NDUFB2: variants seen among roughly 807,000 people sequenced by gnomAD.
NDUFB2 encodes NADH dehydrogenase [ubiquinone] 1 beta subcomplex subunit 2, mitochondrial.
A neutral mutation model predicts 13.4 loss-of-function variants in NDUFB2; 13 were observed. The ratio of observed to expected loss-of-function variants is 0.97; its 90% CI spans 0.63 to 1.54. The LOEUF (loss-of-function observed/expected upper bound fraction) is 1.54, where lower values mean the gene tolerates loss of function less well. NDUFB2 is among the 40% of genes most tolerant of loss of function. The probability of loss-of-function intolerance (pLI) is 0.00; values close to 1 mark genes in which losing one functional copy is unlikely to be tolerated. For synonymous variants in NDUFB2, 47 were observed against 50.6 expected (o/e 0.93, Z 0.30); for missense variants, 150 against 139.7 (o/e 1.07, Z -0.37).
chr7:140,697,377 A>C (rs1406338615), intron 1 of NDUFB2: 1 of 702,872 alleles, frequency 1.4e-6, no homozygotes, highest in South Asian at 1.5e-5. Context: ...TGTCGCCCAG[A>C]GAGAGCGCCG....
rs1293351993 is a variant in NDUFB2 at position 140,696,823 on chromosome 7, G to T, written c.79G>T (p.Gly27Ter). 8 of 1,608,134 alleles carry T rather than the reference G, an allele frequency of 5.0e-6. No individual in the cohort carries two copies. Among genetic ancestry groups the T allele is most frequent in the Admixed American group, 1.7e-5 (1 of 59,368 alleles). Reference sequence around the variant, plus strand: ...CAGAAGCGGCTGCGCACGGACTGCTGGAGATGGTGGAGTCCGTCAGTGAGT... The same window carrying T: ...CAGAAGCGGCTGCGCACGGACTGCTTGAGATGGTGGAGTCCGTCAGTGAGT... ...LFRSGCARTA[G>*]DGGVRHAGGG... Residue 27 changes from glycine to a stop codon, truncating the protein, a stop_gained, in exon 1 of 4, where the codon GGA becomes TGA. Coordinates refer to ENST00000247866, the MANE Select transcript of NDUFB2 (RefSeq NM_004546.3). LOFTEE classifies it high-confidence loss of function.
intron 2 of NDUFB2, among the ~76,000 whole-genome samples, chr7:140,703,367 C>T (rs1456481313): frequency 4.6e-5 from 7 of 150,844 alleles, no homozygotes; most frequent in Admixed American, 3.3e-4. Context: ...CTCTGCATCC[C>T]GGGTTCAAGT....
Position 140,697,064 on chromosome 7 carries a change from G to A in NDUFB2, c.98+222G>A, listed in dbSNP as rs1048481292. 2.0e-5 allele frequency: 12 copies of A among 596,832 alleles called. No individual in the cohort carries two copies. The African/African-American group carries it at 2.3e-4, about 11-fold the overall frequency. 37.0% of individuals were successfully genotyped at this position (596,832 alleles called of 1,614,324 possible). On this transcript the variant is annotated intron_variant, in intron 1 of 3. Transcript: ENST00000247866. ...CTGGGCAGATGGGACACCGTGTGCA[G>A]GGCCGTCATGGTAGTAGGGGCCGCC...
chr7:140,701,541 T>C (rs914284030), intron 1 of NDUFB2, among the ~76,000 whole-genome samples: 2 of 152,068 alleles, frequency 1.3e-5, no homozygotes, highest in Admixed American at 6.6e-5. Context: ...GGCAGGAGGA[T>C]TGCTTGAGCC....
At chr7:140,696,915 C>T (rs1439950855) in intron 1 of NDUFB2, 73 bp downstream of exon 1, 1 of 1,404,798 alleles carries the variant, frequency 7.1e-7, no homozygotes, top group Non-Finnish European at 9.8e-7. Context: ...ACGCTCTCAC[C>T]TTGACTGGGG....
intron 1 of NDUFB2, 107 bp from the exon 2 acceptor site, chr7:140,702,759 G>A: frequency 8.0e-7 from 1 of 1,252,906 alleles, no homozygotes; most frequent in Non-Finnish European, 1.1e-6. Flanking sequence ...TTTCAGTGGA[G>A]ATGAGAAACA....
At chr7:140,696,980 C>T (rs1794817829) in intron 1 of NDUFB2, 138 bp downstream of exon 1, 1 of 775,386 alleles carries the variant, frequency 1.3e-6, no homozygotes, top group Middle Eastern at 3.6e-4. Flanking sequence ...CGCGTGTCTC[C>T]TGAAGCCGCG....
chr7:140,705,008 A>G, intron 3 of NDUFB2, 45 bp downstream of exon 3: 4 of 1,102,998 alleles, frequency 3.6e-6, no homozygotes, highest in Non-Finnish European at 5.1e-6. Flanking sequence ...ACCTTTTTTC[A>G]TAAACATTAG....
intron 1 of NDUFB2, chr7:140,701,005 A>G (rs1221234218): frequency 6.6e-6 from 1 of 152,220 alleles, no homozygotes; most frequent in African/African-American, 2.4e-5. Flanking sequence ...ATATATACAC[A>G]CATCTGCAAA....
chr7:140,704,867 T>C lies in NDUFB2; in HGVS notation c.251T>C (p.Phe84Ser). Residue 84 changes from phenylalanine (F) to serine (S), a missense_variant, in exon 3 of 4, where the codon TTT becomes TCT. Physicochemically the swap from Phe to Ser is radical, Grantham distance 155 (BLOSUM62 -2). Coordinates refer to ENST00000247866, the MANE Select transcript of NDUFB2 (RefSeq NM_004546.3). ...TTAAATGGTTGTCACCAGGGTCACTTTCCGTATCCTGATCCTTCCCAGTGG... is the reference window on the plus strand; with the variant it reads ...TTAAATGGTTGTCACCAGGGTCACTCTCCGTATCCTGATCCTTCCCAGTGG... ...WHDSEEVLGH[F>S]PYPDPSQWTD... The C allele has an allele frequency of 6.3e-7, 1 of 1,587,926 alleles. No individual in the cohort carries two copies. The highest frequency in any genetic ancestry group is 1.8e-5 in the Admixed American group (1 of 54,366).
In NDUFB2 at chr7:140,703,229, T is replaced by C. The variant is rs562038405; in HGVS notation, c.243+219T>C. On this transcript the variant is annotated intron_variant, in intron 2 of 3. Coordinates refer to ENST00000247866, the MANE Select transcript of NDUFB2 (RefSeq NM_004546.3). Reference sequence around the variant, plus strand: ...GATGTATATTTAGGTGGTCCGTTTCTTATGGTTTCTGTTAGGTTGCCATCT... The same window carrying C: ...GATGTATATTTAGGTGGTCCGTTTCCTATGGTTTCTGTTAGGTTGCCATCT... Among the ~76,000 whole-genome samples, 23 of 152,166 alleles carry C rather than the reference T, an allele frequency of 1.5e-4. No homozygotes were observed. In the South Asian group the frequency reaches 4.8e-3, roughly 32 times the overall value.
chr7:140,702,728 G>T, intron 1 of NDUFB2, 138 bp from the exon 2 acceptor site: 2 of 1,001,196 alleles, frequency 2.0e-6, no homozygotes, highest in Non-Finnish European at 2.9e-6. Context: ...TATTTCAAGG[G>T]ATTGTGAACT....
chr7:140,698,220 A>G, intron 1 of NDUFB2: 1 of 1,352,030 alleles, frequency 7.4e-7, no homozygotes, highest in Non-Finnish European at 9.8e-7. Context: ...CATGAGCGAC[A>G]GCCCTTGGTC....
chr7:140,698,359 C>T (rs1347262489), intron 1 of NDUFB2: 5 of 1,316,918 alleles, frequency 3.8e-6, no homozygotes, highest in Non-Finnish European at 5.0e-6. Flanking sequence ...ATGGCTGCTC[C>T]TTTCTAGGTG....
At chr7:140,700,509 G>A (rs772644773) in intron 1 of NDUFB2, among the ~76,000 whole-genome samples, 1 of 151,824 alleles carries the variant, frequency 6.6e-6, no homozygotes, top group Non-Finnish European at 1.5e-5. Flanking sequence ...GCTCTTGGCC[G>A]GGCACAGTGT....
At chr7:140,703,913 T>C (rs1350141979) in intron 2 of NDUFB2, among the ~76,000 whole-genome samples, 1 of 151,974 alleles carries the variant, frequency 6.6e-6, no homozygotes, top group Admixed American at 6.6e-5. Context: ...CCGCCACCAC[T>C]CCCGGCTAAT....
At chr7:140,702,213 T>C (rs1442290015) in intron 1 of NDUFB2, among the ~76,000 whole-genome samples, 1 of 152,216 alleles carries the variant, frequency 6.6e-6, no homozygotes, top group African/African-American at 2.4e-5. Flanking sequence ...GTTTTAGGAA[T>C]AGCCCCAGTA....
At chr7:140,696,896 G>T in intron 1 of NDUFB2, 54 bp downstream of exon 1, 2 of 1,511,130 alleles carry the variant, frequency 1.3e-6, no homozygotes, top group Non-Finnish European at 1.8e-6. Flanking sequence ...GACAGCGCGG[G>T]TCCCTGGGAC....
chr7:140,701,931 C>A, intron 1 of NDUFB2: 1 of 618,256 alleles, frequency 1.6e-6, no homozygotes, highest in South Asian at 1.8e-5. Context: ...GTGAGACTCT[C>A]GCAAACAAAC....
Sources: gnomAD v4.1 joint callset for allele counts (sites outside exome capture counted in the v4.1 genomes callset) on GRCh38, gnomAD v4.1.1 for gene constraint, MANE v1.5 for transcripts, NCBI Gene and HGNC (gene_info 2026-07-23, HGNC 2026-07-21) for gene names.